The following ACSBG1 variants were observed in gnomAD, a reference collection of about 807,000 sequenced individuals.
The protein encoded by ACSBG1 is acyl-CoA synthetase bubblegum family member 1, also known as long-chain-fatty-acid--CoA ligase ACSBG1.
A neutral mutation model predicts 80.2 loss-of-function variants in ACSBG1; 39 were observed. The ratio of observed to expected loss-of-function variants is 0.49; its 90% CI spans 0.38 to 0.64. The LOEUF (loss-of-function observed/expected upper bound fraction) is 0.64. Ranked by LOEUF, ACSBG1 falls within the 30% of genes least tolerant of loss-of-function variation. The probability of loss-of-function intolerance (pLI) is 0.00; values close to 1 mark genes in which losing one functional copy is unlikely to be tolerated. For synonymous variants in ACSBG1, 392 were observed against 379.5 expected (o/e 1.03, Z -0.38); for missense variants, 828 against 966.4 (o/e 0.86, Z 1.90).
chr15:78,202,232 G>A (rs963900874), intron 2 of ACSBG1, among the ~76,000 whole-genome samples: 1 of 151,826 alleles, frequency 6.6e-6, no homozygotes, highest in Non-Finnish European at 1.5e-5. Context: ...TACTATTTGA[G>A]ACAGAGTCTT....
Position 78,174,381 on chromosome 15 carries a change from A to G in ACSBG1, c.1842+4T>C, listed in dbSNP as rs559124417. 5 of 1,614,076 alleles carry G rather than the reference A, an allele frequency of 3.1e-6. No individual in the cohort carries two copies. In the South Asian group the frequency reaches 5.5e-5, roughly 18 times the overall value. On this transcript the variant is annotated splice_donor_region_variant and intron_variant, in intron 12 of 13. Coordinates refer to ENST00000258873, the MANE Select transcript of ACSBG1 (RefSeq NM_015162.5). ...CCTTCTGAGCTGGAGCCCCCCAGAC[A>G]CACCTTCAAGGTGAGCAGCATGGAC... is the stretch of plus-strand genomic sequence containing the variant.
At chr15:78,174,324 A>C in intron 12 of ACSBG1, 61 bp downstream of exon 12, 1 of 1,611,174 alleles carries the variant, frequency 6.2e-7, no homozygotes, top group South Asian at 1.1e-5. Flanking sequence ...GGCTTCTGCC[A>C]GCCAGACCCA....
intron 1 of ACSBG1, among the ~76,000 whole-genome samples, chr15:78,226,799 T>TA (rs1567101557): frequency 2.1e-5 from 3 of 144,490 alleles, no homozygotes; most frequent in African/African-American, 2.5e-5. Flanking sequence ...TATATATATA[T>TA]ATAATATATA....
chr15:78,180,768 T>C lies in ACSBG1; in HGVS notation c.1240A>G (p.Thr414Ala). The C allele has an allele frequency of 1.2e-6, 2 of 1,613,866 alleles. No homozygotes were observed. The highest frequency in any genetic ancestry group is 2.7e-5 in the African/African-American group (2 of 75,044). Residue 414 changes from threonine (T) to alanine (A), a missense_variant, in exon 9 of 14, where the codon ACC (threonine) becomes GCC (alanine). By Grantham distance (58) the Thr-to-Ala change is moderately conservative. This residue lies in a region of ACSBG1 where 271 missense variants were observed against 375.9 expected (regional missense o/e 0.72). Coordinates refer to ENST00000258873, the MANE Select transcript of ACSBG1 (RefSeq NM_015162.5). ...GGCCCTCTGTACCTGCCGGGGCAGG[T>C]GAGGTTCTGCTCCAAGGTCACCGAC... is the stretch of plus-strand genomic sequence containing the variant. ...AMSVTLEQNL[T>A]CPGSDLKPFT...
intron 1 of ACSBG1, among the ~76,000 whole-genome samples, chr15:78,221,022 T>C (rs916136551): frequency 1.3e-5 from 2 of 152,206 alleles, no homozygotes; most frequent in Non-Finnish European, 2.9e-5. Context: ...AGCAGCACTT[T>C]TCATAATAGC....
chr15:78,176,150 C>T (rs1212166812), intron 11 of ACSBG1, among the ~76,000 whole-genome samples: 6 of 152,054 alleles, frequency 3.9e-5, no homozygotes, highest in African/African-American at 1.5e-4. Flanking sequence ...TCAAGCAATC[C>T]TCCTGCCTCA....
intron 1 of ACSBG1, among the ~76,000 whole-genome samples, chr15:78,212,070 A>AG (rs2075271343): frequency 6.6e-6 from 1 of 152,188 alleles, no homozygotes; most frequent in Non-Finnish European, 1.5e-5. Flanking sequence ...TTCACGGATG[A>AG]GGATCCGTTT....
intron 1 of ACSBG1, among the ~76,000 whole-genome samples, chr15:78,227,841 G>A (rs2075416382): frequency 6.6e-6 from 1 of 152,186 alleles, no homozygotes; most frequent in African/African-American, 2.4e-5. Flanking sequence ...TGGCAATACT[G>A]ATCAATCTCA....
chr15:78,211,334 T>C (rs1214470259), intron 1 of ACSBG1, among the ~76,000 whole-genome samples: 1 of 152,256 alleles, frequency 6.6e-6, no homozygotes, highest in African/African-American at 2.4e-5. Context: ...ATGCTCCTTC[T>C]GGAAGGCAAT....
chr15:78,190,819 G>A (rs2075050738), intron 5 of ACSBG1, among the ~76,000 whole-genome samples: 1 of 151,886 alleles, frequency 6.6e-6, no homozygotes, highest in Admixed American at 6.6e-5. Flanking sequence ...TAGTAACAAA[G>A]GATAGCTAAT....
At chr15:78,185,719 T>G (rs1014691879) in intron 5 of ACSBG1, among the ~76,000 whole-genome samples, 2 of 151,068 alleles carry the variant, frequency 1.3e-5, no homozygotes, top group Non-Finnish European at 2.9e-5. Context: ...ACCAAATTGC[T>G]GAAAATCAGC....
intron 5 of ACSBG1, among the ~76,000 whole-genome samples, chr15:78,190,807 T>C (rs1412689339): frequency 6.6e-6 from 1 of 151,862 alleles, no homozygotes. Flanking sequence ...CAAACACTGA[T>C]ATAGTAACAA....
intron 5 of ACSBG1, among the ~76,000 whole-genome samples, chr15:78,192,059 G>C (rs2075061864): frequency 6.6e-6 from 1 of 152,174 alleles, no homozygotes; most frequent in Admixed American, 6.5e-5. Flanking sequence ...GACACAGACA[G>C]ACACAGAAGG....
chr15:78,180,967 G>A (rs12915634), intron 8 of ACSBG1, 31 bp from the exon 9 acceptor site: 605,073 of 1,598,810 alleles, frequency 0.38, 119,690 homozygotes, highest in Non-Finnish European at 0.41. Flanking sequence ...AGGCCTGTTG[G>A]GTCAGGGGCA....
chr15:78,171,989 C>T (rs1277421705), intron 13 of ACSBG1: 2 of 154,298 alleles, frequency 1.3e-5, no homozygotes, highest in African/African-American at 2.4e-5. Context: ...ACCATTCTTC[C>T]TGGGCAAGCC....
chr15:78,176,159 C>T (rs2074881105), intron 11 of ACSBG1, among the ~76,000 whole-genome samples: 1 of 152,158 alleles, frequency 6.6e-6, no homozygotes, highest in Admixed American at 6.5e-5. Context: ...CCTCCTGCCT[C>T]AGCCTCCCAA....
chr15:78,229,006 C>T (rs926210497), intron 1 of ACSBG1, among the ~76,000 whole-genome samples: 1 of 151,902 alleles, frequency 6.6e-6, no homozygotes, highest in South Asian at 2.1e-4. Flanking sequence ...TGGTAAAATA[C>T]ACATAACATA....
At chr15:78,174,009 T>C (rs1293656150) in intron 12 of ACSBG1, among the ~76,000 whole-genome samples, 170 bp from the exon 13 acceptor site, 3 of 152,102 alleles carry the variant, frequency 2.0e-5, no homozygotes, top group African/African-American at 7.2e-5. Context: ...CGTGTTATTG[T>C]GGAAGGAGCA....
chr15:78,221,923 T>C (rs180826493), intron 1 of ACSBG1, among the ~76,000 whole-genome samples: 1 of 152,322 alleles, frequency 6.6e-6, no homozygotes, highest in East Asian at 1.9e-4. Context: ...AAGTCACAGA[T>C]TAACAGCATC....
Sources: allele counts gnomAD v4.1 joint callset (sites outside exome capture counted in the v4.1 genomes callset), GRCh38; gene constraint gnomAD v4.1.1; regional missense constraint gnomAD v4.1.1; transcripts MANE v1.5; gene names NCBI Gene and HGNC (gene_info 2026-07-23, HGNC 2026-07-21).